ADGRB3: variants seen among roughly 807,000 people sequenced by gnomAD.
The protein encoded by ADGRB3 is adhesion G protein-coupled receptor B3.
Under a neutral mutation model 193.4 loss-of-function variants are expected in ADGRB3, and 37 were observed. That is an observed-to-expected ratio of 0.19 (90% CI 0.15 to 0.25). ADGRB3 has a LOEUF of 0.25. ADGRB3 is among the 10% of genes least tolerant of loss of function. The pLI, the probability that ADGRB3 is intolerant of heterozygous loss-of-function variation, is 1.00. For synonymous variants in ADGRB3, 690 were observed against 644.2 expected, an observed-to-expected ratio of 1.07 and a Z score of -1.08; for missense variants, 1,637 against 1,852.9, an observed-to-expected ratio of 0.88 and a Z score of 2.14.
chr6:68,885,906 G>C (rs764595719), intron 3 of ADGRB3, among the ~76,000 whole-genome samples: 1 of 152,086 alleles, frequency 6.6e-6, no homozygotes, highest in African/African-American at 2.4e-5. Flanking sequence ...GCAATAAATA[G>C]CTTATGTAAT....
In ADGRB3 at chr6:69,275,705, A is replaced by G. The variant is rs1017463218; in HGVS notation, c.2814+36479A>G. Among the ~76,000 whole-genome samples the G allele has an allele frequency of 2.0e-5, 3 of 152,108 alleles. No homozygotes were observed. The East Asian group carries it at 5.8e-4, about 29-fold the overall frequency. On this transcript the variant is annotated intron_variant, in intron 20 of 31. Coordinates refer to ENST00000370598, the MANE Select transcript of ADGRB3 (RefSeq NM_001704.3). Reference sequence around the variant, plus strand: ...ATAGAGGACATAATATAAAAAAAAAACATTATATATCAAATAATGCCCAGT... The same window carrying G: ...ATAGAGGACATAATATAAAAAAAAAGCATTATATATCAAATAATGCCCAGT...
intron 12 of ADGRB3, among the ~76,000 whole-genome samples, chr6:69,015,395 A>C (rs1770058852): frequency 6.6e-6 from 1 of 152,014 alleles, no homozygotes; most frequent in African/African-American, 2.4e-5. Context: ...TCTTATATTT[A>C]AAATATTTTT....
chr6:69,115,579 A>G (rs1773507239), intron 17 of ADGRB3, among the ~76,000 whole-genome samples: 1 of 152,262 alleles, frequency 6.6e-6, no homozygotes, highest in Non-Finnish European at 1.5e-5. Context: ...CATGTATCCC[A>G]GAACTTAAAG....
At chr6:69,339,135 A>G in intron 25 of ADGRB3, 121 bp downstream of exon 25, 1 of 1,173,118 alleles carries the variant, frequency 8.5e-7, no homozygotes, top group Non-Finnish European at 1.2e-6. Context: ...TTAAATATTT[A>G]TAATTGGCAA....
chr6:69,238,810 T>C, intron 19 of ADGRB3, among the ~76,000 whole-genome samples: 1 of 151,810 alleles, frequency 6.6e-6, no homozygotes, highest in Non-Finnish European at 1.5e-5. Flanking sequence ...AGAAGCTTTA[T>C]ATGTTTAGTT....
At chr6:69,297,561 T>TG (rs1767856823) in intron 20 of ADGRB3, among the ~76,000 whole-genome samples, 1 of 151,744 alleles carries the variant, frequency 6.6e-6, no homozygotes, top group East Asian at 1.9e-4. Context: ...GGGATTTCGG[T>TG]GGGGGAGGAG....
intron 31 of ADGRB3, among the ~76,000 whole-genome samples, chr6:69,387,756 T>G (rs140216659): frequency 6.6e-6 from 1 of 152,202 alleles, no homozygotes; most frequent in East Asian, 1.9e-4. Flanking sequence ...TAGTTTCAGA[T>G]GATGTTTAAT....
intron 3 of ADGRB3, among the ~76,000 whole-genome samples, chr6:68,901,250 G>T (rs1056817007): frequency 2.6e-5 from 4 of 152,050 alleles, no homozygotes; most frequent in African/African-American, 7.2e-5. Context: ...GTGGGTGGAG[G>T]GGGGTGGGGT....
intron 15 of ADGRB3, among the ~76,000 whole-genome samples, chr6:69,057,861 A>C (rs537711949): frequency 6.6e-6 from 1 of 151,944 alleles, no homozygotes; most frequent in South Asian, 2.1e-4. Flanking sequence ...TTTTTGCATC[A>C]ATATTTATTA....
intron 3 of ADGRB3, among the ~76,000 whole-genome samples, chr6:68,793,477 GT>G (rs1375695864): frequency 6.6e-6 from 1 of 151,960 alleles, no homozygotes; most frequent in East Asian, 1.9e-4. Context: ...GGATGAACTT[GT>G]TTTTATGACA....
At chr6:68,896,198 T>C (rs1766214025) in intron 3 of ADGRB3, among the ~76,000 whole-genome samples, 1 of 152,134 alleles carries the variant, frequency 6.6e-6, no homozygotes, top group East Asian at 1.9e-4. Flanking sequence ...TGACAGCTAA[T>C]AATCACGTTA....
chr6:69,062,582 T>C (rs1452114395), intron 15 of ADGRB3, among the ~76,000 whole-genome samples: 4 of 151,856 alleles, frequency 2.6e-5, no homozygotes, highest in African/African-American at 9.7e-5. Flanking sequence ...AACTCTTAGG[T>C]CCTCCTTGAT....
chr6:69,348,879 G>A (rs1769164622), intron 26 of ADGRB3, among the ~76,000 whole-genome samples: 1 of 152,216 alleles, frequency 6.6e-6, no homozygotes, highest in Non-Finnish European at 1.5e-5. Context: ...TTATGGTACA[G>A]CCACTCAATT....
intron 13 of ADGRB3, among the ~76,000 whole-genome samples, chr6:69,024,817 G>T (rs1465933819): frequency 6.6e-6 from 1 of 152,142 alleles, no homozygotes. Context: ...AGGCGACCGG[G>T]CACGGTGGCT....
intron 3 of ADGRB3, among the ~76,000 whole-genome samples, chr6:68,881,480 C>A (rs1765727049): frequency 6.6e-6 from 1 of 152,114 alleles, no homozygotes; most frequent in Non-Finnish European, 1.5e-5. Context: ...CATTGGCATG[C>A]AAGGCAGTGT....
At chr6:69,208,166 G>T (rs1186531426) in intron 17 of ADGRB3, among the ~76,000 whole-genome samples, 1 of 152,186 alleles carries the variant, frequency 6.6e-6, no homozygotes, top group African/African-American at 2.4e-5. Flanking sequence ...GGCCCATTGG[G>T]CAATAACAGG....
intron 16 of ADGRB3, among the ~76,000 whole-genome samples, chr6:69,064,709 T>C (rs569125485): frequency 6.6e-6 from 1 of 152,228 alleles, no homozygotes; most frequent in South Asian, 2.1e-4. Context: ...ATGTGTACTC[T>C]GTTTCTTATG....
intron 3 of ADGRB3, among the ~76,000 whole-genome samples, chr6:68,687,904 A>C (rs1318957992): frequency 6.6e-6 from 1 of 152,166 alleles, no homozygotes; most frequent in African/African-American, 2.4e-5. Context: ...GCATAAAATG[A>C]GTTTTCTGTG....
At chr6:68,923,203 A>G (rs1767092749) in intron 3 of ADGRB3, among the ~76,000 whole-genome samples, 1 of 152,126 alleles carries the variant, frequency 6.6e-6, no homozygotes, top group Non-Finnish European at 1.5e-5. Context: ...GATAAATGGT[A>G]AAACATGACC....
Sources: allele counts gnomAD v4.1 joint callset (sites outside exome capture counted in the v4.1 genomes callset), GRCh38; gene constraint gnomAD v4.1.1; transcripts MANE v1.5; gene names NCBI Gene and HGNC (gene_info 2026-07-23, HGNC 2026-07-21).